The following HIP1 variants were observed in gnomAD, a reference collection of about 807,000 sequenced individuals.
HIP1 encodes huntingtin interacting protein 1.
Under a neutral mutation model 147.6 loss-of-function variants are expected in HIP1, and 65 were observed. The ratio of observed to expected loss-of-function variants is 0.44; its 90% CI spans 0.36 to 0.54. The LOEUF (loss-of-function observed/expected upper bound fraction) is 0.54, where lower values mean the gene tolerates loss of function less well. Ranked by LOEUF, HIP1 falls within the 20% of genes least tolerant of loss-of-function variation. The pLI is 0.00. For synonymous variants in HIP1, 479 were observed against 504.0 expected (o/e 0.95, Z 0.67); for missense variants, 1,061 against 1,299.6 (o/e 0.82, Z 2.82).
chr7:75,565,205 C>T (rs1359637383), intron 9 of HIP1, among the ~76,000 whole-genome samples: 1 of 152,198 alleles, frequency 6.6e-6, no homozygotes, highest in East Asian at 1.9e-4. Context: ...ACTGCTGCTT[C>T]CCCTGAATTC....
intron 7 of HIP1, among the ~76,000 whole-genome samples, chr7:75,579,188 A>G (rs1324342200): frequency 6.6e-6 from 1 of 152,152 alleles, no homozygotes; most frequent in Non-Finnish European, 1.5e-5. Flanking sequence ...AGCTTAGGGC[A>G]TAGACTAGAT....
chr7:75,723,355 G>A (rs1247813870), intron 1 of HIP1, among the ~76,000 whole-genome samples: 3 of 152,188 alleles, frequency 2.0e-5, no homozygotes, highest in Non-Finnish European at 4.4e-5. Context: ...CTGGGCGACA[G>A]AGCAAGACTC....
intron 1 of HIP1, among the ~76,000 whole-genome samples, chr7:75,684,447 CAAAAAAAAAA>C (rs59055803): frequency 2.3e-5 from 1 of 43,832 alleles, no homozygotes; most frequent in Non-Finnish European, 4.9e-5. Context: ...GACTCCGTCT[CAAAAAAAAAA>C]AAAAAAAAAA....
intron 1 of HIP1, among the ~76,000 whole-genome samples, chr7:75,650,451 A>ATATTTTT (rs1798934305): frequency 3.8e-5 from 4 of 104,992 alleles, no homozygotes; most frequent in Admixed American, 9.2e-5. Context: ...CTGCCCAGTT[A>ATATTTTT]TCTTTTTTTT....
rs587633950 is a variant in HIP1, at chr7:75,542,633, A to C, written c.2890+218T>G. The stretch of plus-strand genomic sequence containing the variant: ...AGAATCGTGTGAACCAGGGAGGTGG[A>C]GGTTGCAGTGAGCAGAGATGGTACC... On this transcript the variant is annotated intron_variant, in intron 28 of 30. Coordinates refer to ENST00000336926, the MANE Select transcript of HIP1 (RefSeq NM_005338.7). Among the ~76,000 whole-genome samples the C allele has an allele frequency of 7.9e-5, 12 of 152,278 alleles. No homozygotes were observed. The South Asian group carries it at 1.2e-3, about 16-fold the overall frequency.
In HIP1 at chr7:75,541,953, A is replaced by T. The variant is rs1399442583; in HGVS notation, c.2918T>A (p.Leu973Gln). Residue 973 changes from leucine to glutamine, a missense_variant, in exon 29 of 31, where the codon CTG becomes CAG. Leu to Gln is a moderately radical substitution (Grantham distance 113). Coordinates refer to ENST00000336926, the MANE Select transcript of HIP1 (RefSeq NM_005338.7). ...CATCTCTTGGCGTTTGATCTGTGTC[A>T]GCGTCATGCTTGAGAAGTCCATGTT... ...TDNMDFSSMT[L>Q]TQIKRQEMDS... 6.2e-7 allele frequency: 1 copy of T among 1,614,012 alleles called. No individual in the cohort carries two copies. Among genetic ancestry groups the T allele is most frequent in the East Asian group, 2.2e-5 (1 of 44,886 alleles).
At chr7:75,620,174 CAGG>C (rs782150587) in intron 1 of HIP1, among the ~76,000 whole-genome samples, 2 of 151,818 alleles carry the variant, frequency 1.3e-5, no homozygotes, top group Non-Finnish European at 2.9e-5. Flanking sequence ...TGTTTGAGCC[CAGG>C]AGTTCAAGAC....
chr7:75,570,408 C>T (rs1239059272), intron 8 of HIP1, among the ~76,000 whole-genome samples: 2 of 150,858 alleles, frequency 1.3e-5, no homozygotes, highest in African/African-American at 4.9e-5. Context: ...TCTGCTGCCT[C>T]AGCCTCCTGA....
intron 1 of HIP1, among the ~76,000 whole-genome samples, chr7:75,719,516 AAAG>A (rs1554520947): frequency 6.6e-6 from 1 of 151,964 alleles, no homozygotes; most frequent in African/African-American, 2.4e-5. Context: ...AAAAAAAAAA[AAAG>A]AAGACTAATA....
chr7:75,533,344 A>G lies in HIP1; in HGVS notation c.*4828T>C, dbSNP rs1398889884. ...TTGAAAAATTGAAAACACAGATGCA[A>G]TGTATTATACAAAGAAAGGTCTTAA... On this transcript the variant is annotated 3_prime_UTR_variant, in exon 31 of 31. Coordinates refer to ENST00000336926, the MANE Select transcript of HIP1 (RefSeq NM_005338.7). The G allele has an allele frequency of 3.7e-5, 8 of 218,108 alleles. No homozygotes were observed. Among genetic ancestry groups the G allele is most frequent in the African/African-American group, 9.0e-5 (4 of 44,456 alleles). 13.5% of individuals were successfully genotyped at this position (218,108 alleles called of 1,614,324 possible). A position where few individuals can be genotyped will look rare whatever the true frequency, so the allele number is the denominator to read the frequency against.
intron 4 of HIP1, among the ~76,000 whole-genome samples, chr7:75,591,466 C>A (rs1305237419): frequency 6.6e-6 from 1 of 152,152 alleles, no homozygotes; most frequent in Non-Finnish European, 1.5e-5. Context: ...TACCTCCCCC[C>A]TCATCCTAAA....
intron 1 of HIP1, among the ~76,000 whole-genome samples, chr7:75,737,848 A>G (rs562854242): frequency 7.2e-5 from 11 of 152,336 alleles, no homozygotes; most frequent in African/African-American, 2.6e-4. Context: ...AAGAGTGTAG[A>G]AGAAATCTGC....
In HIP1 at chr7:75,533,798, C is replaced by T. The variant is rs587657021; in HGVS notation, c.*4374G>A. ...TGCTGATCTTGTATTTGGTCTGGACCTGGGAGAGGAAGGAATTTGGCAGCA... is the reference window on the plus strand; with the variant it reads ...TGCTGATCTTGTATTTGGTCTGGACTTGGGAGAGGAAGGAATTTGGCAGCA... On this transcript the variant is annotated 3_prime_UTR_variant, in exon 31 of 31. Coordinates refer to ENST00000336926, the MANE Select transcript of HIP1 (RefSeq NM_005338.7). 3.6e-4 allele frequency: 85 copies of T among 234,076 alleles called. No individual in the cohort carries two copies. The highest frequency in any genetic ancestry group is 1.6e-3 in the Admixed American group (28 of 17,810). 14.5% of individuals were successfully genotyped at this position (234,076 alleles called of 1,614,324 possible). A position where few individuals can be genotyped will look rare whatever the true frequency, so the allele number is the denominator to read the frequency against.
At chr7:75,645,856 G>A (rs961770879) in intron 1 of HIP1, among the ~76,000 whole-genome samples, 3 of 152,144 alleles carry the variant, frequency 2.0e-5, no homozygotes, top group African/African-American at 7.2e-5. Context: ...ACCAAATACT[G>A]CATGTTCTCC....
intron 1 of HIP1, among the ~76,000 whole-genome samples, chr7:75,697,531 CT>C (rs1800678645): frequency 6.6e-6 from 1 of 152,108 alleles, no homozygotes; most frequent in African/African-American, 2.4e-5. Flanking sequence ...CTCATTTATT[CT>C]TCCAGATAAA....
At chr7:75,672,744 C>T (rs2117248953) in intron 1 of HIP1, among the ~76,000 whole-genome samples, 1 of 152,280 alleles carries the variant, frequency 6.6e-6, no homozygotes, top group Non-Finnish European at 1.5e-5. Flanking sequence ...GAAGCCATTG[C>T]TTAATCCAAG....
intron 1 of HIP1, among the ~76,000 whole-genome samples, chr7:75,664,900 C>T (rs1310369164): frequency 4.6e-5 from 7 of 152,038 alleles, no homozygotes; most frequent in African/African-American, 7.2e-5. Context: ...GGATTACGGG[C>T]GTGAGCCATC....
At chr7:75,551,302 A>T (rs1160540127) in intron 22 of HIP1, among the ~76,000 whole-genome samples, 1 of 144,984 alleles carries the variant, frequency 6.9e-6, no homozygotes, top group Non-Finnish European at 1.5e-5. Flanking sequence ...GGCTCAAAGG[A>T]TTATCCTGCC....
At position 75,534,898 on chromosome 7, in the gene HIP1, G is replaced by C. The variant is rs367974587; in HGVS notation, c.*3274C>G. The C allele has an allele frequency of 6.8e-5, 14 of 207,054 alleles. No individual in the cohort carries two copies. Among genetic ancestry groups the C allele is most frequent in the African/African-American group, 3.0e-4 (13 of 43,978 alleles). The allele number at this position is 207,054 out of a possible 1,614,324, so 12.8% of individuals were successfully genotyped here. ...ACCCATTTACGCTCACCCGAGACTT[G>C]TCACTAGTGATGCTCAGTGACTCAT... On this transcript the variant is annotated 3_prime_UTR_variant, in exon 31 of 31. Coordinates refer to ENST00000336926, the MANE Select transcript of HIP1 (RefSeq NM_005338.7).
Sources: allele counts gnomAD v4.1 joint callset (sites outside exome capture counted in the v4.1 genomes callset), GRCh38; gene constraint gnomAD v4.1.1; transcripts MANE v1.5; gene names NCBI Gene and HGNC (gene_info 2026-07-23, HGNC 2026-07-21).